Variants in SLC16A7 observed in about 807,000 individuals in gnomAD.
SLC16A7 encodes solute carrier family 16 member 7.
SLC16A7 carries 33 observed loss-of-function variants against 34.9 expected under a neutral mutation model. That is an observed-to-expected ratio of 0.94 (90% CI 0.72 to 1.26). The LOEUF (loss-of-function observed/expected upper bound fraction) is 1.26. Among genes scored for constraint, SLC16A7 ranks in the 50% most tolerant of loss-of-function variants. The probability of loss-of-function intolerance (pLI) is 0.00; values close to 1 mark genes in which losing one functional copy is unlikely to be tolerated. For synonymous variants in SLC16A7, 201 were observed against 206.6 expected (o/e 0.97, Z 0.23); for missense variants, 573 against 578.1 (o/e 0.99, Z 0.09).
intron 1 of SLC16A7, among the ~76,000 whole-genome samples, chr12:59,617,088 G>A (rs567669059): frequency 6.6e-6 from 1 of 152,026 alleles, no homozygotes; most frequent in South Asian, 2.1e-4. Context: ...CTGTATTTTA[G>A]TATTATTTTT....
intron 3 of SLC16A7, among the ~76,000 whole-genome samples, chr12:59,734,893 A>G (rs982191675): frequency 6.6e-6 from 1 of 152,226 alleles, no homozygotes; most frequent in Non-Finnish European, 1.5e-5. Flanking sequence ...ATCCATTGCT[A>G]TAAATTCATG....
intron 3 of SLC16A7, among the ~76,000 whole-genome samples, chr12:59,708,240 C>T (rs1469432115): frequency 6.6e-6 from 1 of 152,012 alleles, no homozygotes; most frequent in Non-Finnish European, 1.5e-5. Flanking sequence ...CAACTGTGGT[C>T]TACAGAATGC....
chr12:59,609,364 T>C (rs1176998513), intron 1 of SLC16A7, among the ~76,000 whole-genome samples: 1 of 152,268 alleles, frequency 6.6e-6, no homozygotes, highest in Non-Finnish European at 1.5e-5. Flanking sequence ...TTCTGCAATA[T>C]GAGTTCAGTT....
In SLC16A7 at chr12:59,775,387, C is replaced by A; in HGVS notation, c.1092C>A (p.Asp364Glu). The change falls in exon 5 of 6, where the codon GAC (aspartate) becomes GAA (glutamate). Residue 364 changes from aspartate (D) to glutamate (E), a missense_variant. Physicochemically the swap from Asp to Glu is conservative, Grantham distance 45 (BLOSUM62 2). Transcript: ENST00000547379. ...VSSVLFETLM[D>E]LVGAPRFSSA... is the part of the protein sequence containing the mutation. ...GTGTTCTCTTTGAAACTCTCATGGA[C>A]CTCGTGGGTGCACCAAGATTTTCCA... 2 of 1,614,062 alleles carry A rather than the reference C, an allele frequency of 1.2e-6. No individual in the cohort carries two copies. The highest frequency in any genetic ancestry group is 1.7e-6 in the Non-Finnish European group (2 of 1,179,984).
At chr12:59,624,078 G>A (rs1879816403) in intron 1 of SLC16A7, among the ~76,000 whole-genome samples, 2 of 151,240 alleles carry the variant, frequency 1.3e-5, no homozygotes, top group African/African-American at 4.8e-5. Flanking sequence ...TTTAGGTTGT[G>A]ATATATTCCT....
chr12:59,730,021 C>G (rs1217595732), intron 3 of SLC16A7, among the ~76,000 whole-genome samples: 1 of 152,136 alleles, frequency 6.6e-6, no homozygotes, highest in East Asian at 1.9e-4. Context: ...TCTGTGTCTA[C>G]AAAGAGGTCA....
chr12:59,739,089 T>C (rs1014885507), intron 3 of SLC16A7, among the ~76,000 whole-genome samples: 5 of 151,420 alleles, frequency 3.3e-5, no homozygotes, highest in Admixed American at 1.3e-4. Flanking sequence ...ATGTGCACAA[T>C]GTGCAGGTTT....
At chr12:59,738,460 G>A (rs1377270258) in intron 3 of SLC16A7, among the ~76,000 whole-genome samples, 3 of 152,136 alleles carry the variant, frequency 2.0e-5, no homozygotes, top group African/African-American at 7.2e-5. Flanking sequence ...GATGAACTGG[G>A]GAGGAAGAGA....
intron 2 of SLC16A7, among the ~76,000 whole-genome samples, chr12:59,696,215 G>T (rs527730782): frequency 6.6e-6 from 1 of 150,478 alleles, no homozygotes; most frequent in Admixed American, 6.6e-5. Flanking sequence ...TTTCTCATGC[G>T]CATGTTTGGT....
intron 1 of SLC16A7, among the ~76,000 whole-genome samples, chr12:59,601,657 G>A (rs1753621874): frequency 6.6e-6 from 1 of 152,182 alleles, no homozygotes; most frequent in Non-Finnish European, 1.5e-5. Context: ...AGATTAGGTA[G>A]CTTATGAACA....
At chr12:59,695,590 TGCA>T (rs1872195168) in intron 2 of SLC16A7, among the ~76,000 whole-genome samples, 1 of 152,192 alleles carries the variant, frequency 6.6e-6, no homozygotes, top group Non-Finnish European at 1.5e-5. Flanking sequence ...GGACTTGGCA[TGCA>T]GATCACACTT....
At chr12:59,759,301 A>G (rs891780256) in intron 3 of SLC16A7, among the ~76,000 whole-genome samples, 8 of 151,948 alleles carry the variant, frequency 5.3e-5, no homozygotes, top group African/African-American at 1.9e-4. Context: ...TCTGTTCTTT[A>G]TATACCATTG....
At chr12:59,658,960 G>A (rs754323541) in intron 2 of SLC16A7, among the ~76,000 whole-genome samples, 1 of 151,912 alleles carries the variant, frequency 6.6e-6, no homozygotes, top group Non-Finnish European at 1.5e-5. Context: ...AATGATTTTA[G>A]ATACAGGGGA....
At chr12:59,602,942 C>T (rs1433639780) in intron 1 of SLC16A7, among the ~76,000 whole-genome samples, 1 of 152,164 alleles carries the variant, frequency 6.6e-6, no homozygotes, top group East Asian at 1.9e-4. Flanking sequence ...GTTTGCAGGA[C>T]AGCTTCTCTT....
chr12:59,692,285 G>A lies in SLC16A7; in HGVS notation c.-30-12487G>A, dbSNP rs139752103. ...TTAGGGCCCACCTGGGTAATCCAGG[G>A]TAAGATTCTCTCTCAACAGCCTTAA... is the stretch of plus-strand genomic sequence containing the variant. On this transcript the variant is annotated intron_variant, in intron 2 of 5. Coordinates refer to ENST00000547379, the MANE Select transcript of SLC16A7 (RefSeq NM_001270623.2). Among the ~76,000 whole-genome samples, 211 of 152,014 alleles carry A rather than the reference G, an allele frequency of 1.4e-3. 1 individual carries two copies. Among genetic ancestry groups the A allele is most frequent in the Middle Eastern group, 6.8e-3 (2 of 294 alleles).
At chr12:59,774,282 C>A (rs1315529093) in intron 4 of SLC16A7, among the ~76,000 whole-genome samples, 1 of 152,016 alleles carries the variant, frequency 6.6e-6, no homozygotes, top group Non-Finnish European at 1.5e-5. Context: ...GAAATCTATT[C>A]TATATATGTG....
chr12:59,669,378 T>G lies in SLC16A7; in HGVS notation c.-31+14128T>G, dbSNP rs12317873. Among the ~76,000 whole-genome samples the G allele has an allele frequency of 4.1e-3, 623 of 152,248 alleles. 3 individuals carry two copies. Among genetic ancestry groups the G allele is most frequent in the African/African-American group, 0.014 (600 of 41,554 alleles). On this transcript the variant is annotated intron_variant, in intron 2 of 5. Transcript: ENST00000547379. Reference sequence around the variant, plus strand: ...GATTGTGGTTTTTTAAAGTGGGGTATATATAGATTTCTTTTGTTTTTAGTA... The same window carrying G: ...GATTGTGGTTTTTTAAAGTGGGGTAGATATAGATTTCTTTTGTTTTTAGTA...
At chr12:59,598,608 C>G (rs1185122499) in intron 1 of SLC16A7, among the ~76,000 whole-genome samples, 1 of 152,164 alleles carries the variant, frequency 6.6e-6, no homozygotes, top group Non-Finnish European at 1.5e-5. Context: ...AATGTCTTTT[C>G]TCAGGAACCT....
intron 3 of SLC16A7, among the ~76,000 whole-genome samples, chr12:59,712,644 A>C (rs1874371707): frequency 3.3e-5 from 5 of 152,238 alleles, no homozygotes. Flanking sequence ...CAAGAAAAAC[A>C]TTCAGATGAG....
Sources: allele counts gnomAD v4.1 joint callset (sites outside exome capture counted in the v4.1 genomes callset), GRCh38; gene constraint gnomAD v4.1.1; transcripts MANE v1.5; gene names NCBI Gene and HGNC (gene_info 2026-07-23, HGNC 2026-07-21).